Variants in CACNA1C observed in about 807,000 individuals in gnomAD.
The protein encoded by CACNA1C is voltage-dependent L-type calcium channel subunit alpha-1C.
CACNA1C carries 30 observed loss-of-function variants against 229.0 expected under a neutral mutation model. The ratio of observed to expected loss-of-function variants is 0.13; its 90% confidence interval spans 0.10 to 0.18. The LOEUF is 0.18. Among genes scored for constraint, CACNA1C ranks in the 10% least tolerant of loss-of-function variants. CACNA1C has a pLI of 1.00. For missense variants in CACNA1C, 1,658 were observed against 2,845.0 expected, an observed-to-expected ratio of 0.58 and a Z score of 9.49; for synonymous variants, 1,114 against 1,132.5, an observed-to-expected ratio of 0.98 and a Z score of 0.33.
At position 2,647,237 on chromosome 12, in the gene CACNA1C, C is replaced by A. The variant is rs542285314; in HGVS notation, c.3913-1238C>A. Among the ~76,000 whole-genome samples the A allele has an allele frequency of 1.7e-4, 26 of 152,332 alleles. No homozygotes were observed. Among genetic ancestry groups the A allele is most frequent in the African/African-American group, 6.0e-4 (25 of 41,568 alleles). On this transcript the variant is annotated intron_variant, in intron 30 of 46. Coordinates refer to ENST00000399655, the MANE Select transcript of CACNA1C (RefSeq NM_000719.7). The surrounding 1 kb of genome is among the most constrained non-coding windows in gnomAD (Gnocchi z 4.2). The stretch of plus-strand genomic sequence containing the variant: ...GTGGAGAGTAAAAGCCAAGTCCTGA[C>A]TTTCTAGAAAGAGTTAGCAGCTCAG...
At chr12:2,093,090 G>A (rs2072027510) in intron 1 of CACNA1C, among the ~76,000 whole-genome samples, 1 of 152,246 alleles carries the variant, frequency 6.6e-6, no homozygotes, top group African/African-American at 2.4e-5. Context: ...GGAGCTAACT[G>A]TGGGCCAATC....
intron 3 of CACNA1C, among the ~76,000 whole-genome samples, chr12:2,171,554 G>T (rs1403559640): frequency 6.6e-6 from 1 of 152,202 alleles, no homozygotes; most frequent in Non-Finnish European, 1.5e-5. Flanking sequence ...AACTCTTTGA[G>T]CCTTCTTTCT....
At chr12:2,582,790 G>A in intron 14 of CACNA1C, 32 bp from the exon 15 acceptor site, 1 of 1,612,548 alleles carries the variant, frequency 6.2e-7, no homozygotes, top group Non-Finnish European at 8.5e-7. Flanking sequence ...GTCTAACGCT[G>A]TGTCCCTTAT....
chr12:2,681,051 A>G (rs1309541037), intron 42 of CACNA1C, among the ~76,000 whole-genome samples: 1 of 152,074 alleles, frequency 6.6e-6, no homozygotes, highest in African/African-American at 2.4e-5. Flanking sequence ...ACGGCCTTTG[A>G]GGACCCAAGT....
chr12:2,654,048 A>G lies in CACNA1C; in HGVS notation c.4140+148A>G. 1.5e-6 allele frequency: 1 copy of G among 676,152 alleles called. No individual in the cohort carries two copies. The highest frequency in any genetic ancestry group is 2.6e-6 in the Non-Finnish European group (1 of 390,196). The allele number at this position is 676,152 out of a possible 1,614,324, so 41.9% of individuals were successfully genotyped here. On this transcript the variant is annotated intron_variant, in intron 33 of 46. Transcript: ENST00000399655. The surrounding 1 kb of genome is among the most constrained non-coding windows in gnomAD (Gnocchi z 4.4). ...CTCCTCTTCCATTTTCTGAGGCCCAAAAAGCCACAGGAATTGGAACTTTCC... is the reference window on the plus strand; with the variant it reads ...CTCCTCTTCCATTTTCTGAGGCCCAGAAAGCCACAGGAATTGGAACTTTCC...
intron 1 of CACNA1C, among the ~76,000 whole-genome samples, chr12:2,042,746 G>A (rs965491400): frequency 1.3e-5 from 2 of 152,142 alleles, no homozygotes; most frequent in Non-Finnish European, 2.9e-5. Flanking sequence ...GTTGTCCTCC[G>A]GTGAACGTGA....
chr12:2,276,043 T>C (rs1015385967), intron 3 of CACNA1C, among the ~76,000 whole-genome samples: 14 of 152,174 alleles, frequency 9.2e-5, no homozygotes, highest in African/African-American at 3.4e-4. Context: ...TTACATATGG[T>C]ATATTTTATT....
At position 2,135,662 on chromosome 12, in the gene CACNA1C, G is replaced by A. The variant is rs1334464230; in HGVS notation, c.477+15232G>A. ...ACCCACTTGAAGAGGCAGTCTGCCCGTTCTCAGATCTCCAGCCGCGTGCTG... is the reference window on the plus strand; with the variant it reads ...ACCCACTTGAAGAGGCAGTCTGCCCATTCTCAGATCTCCAGCCGCGTGCTG... On this transcript the variant is annotated intron_variant, in intron 3 of 46. Coordinates refer to ENST00000399655, the MANE Select transcript of CACNA1C (RefSeq NM_000719.7). Among the ~76,000 whole-genome samples, 34 of 143,758 alleles carry A rather than the reference G, an allele frequency of 2.4e-4. 2 individuals are homozygous for A. The highest frequency in any genetic ancestry group is 4.3e-4 in the South Asian group (2 of 4,600). The allele number at this position is 143,758 out of a possible 152,430, so 94.3% of individuals were successfully genotyped here.
intron 3 of CACNA1C, among the ~76,000 whole-genome samples, chr12:2,421,666 G>A (rs974415465): frequency 2.0e-5 from 3 of 152,100 alleles, no homozygotes; most frequent in Admixed American, 6.5e-5. Flanking sequence ...TAATCCCAGC[G>A]TTTTGGGAGG....
chr12:2,550,526 G>A, intron 10 of CACNA1C: 2 of 1,348,538 alleles, frequency 1.5e-6, no homozygotes, highest in Non-Finnish European at 2.0e-6. Flanking sequence ...CTTACCTGAA[G>A]CTCTCTCATC....
At chr12:2,531,221 A>C (rs2099840246) in intron 9 of CACNA1C, among the ~76,000 whole-genome samples, 1 of 152,220 alleles carries the variant, frequency 6.6e-6, no homozygotes, top group African/African-American at 2.4e-5. Context: ...GCTTACACCC[A>C]GGCACGCCCC....
At chr12:2,117,620 A>G (rs112796134) in intron 2 of CACNA1C, among the ~76,000 whole-genome samples, 1,950 of 152,336 alleles carry the variant, frequency 0.013, 50 homozygotes, top group African/African-American at 0.044. Flanking sequence ...GTCCATGCCC[A>G]TCCCACACCC....
At chr12:2,218,627 G>A (rs1170551373) in intron 3 of CACNA1C, among the ~76,000 whole-genome samples, 1 of 152,192 alleles carries the variant, frequency 6.6e-6, no homozygotes, top group Non-Finnish European at 1.5e-5. Flanking sequence ...GCTGGGGAGG[G>A]AAATTGAGTT....
chr12:2,178,893 CTG>C (rs2096748134), intron 3 of CACNA1C, among the ~76,000 whole-genome samples: 3 of 152,234 alleles, frequency 2.0e-5, no homozygotes, highest in Admixed American at 2.0e-4. Context: ...AAAACCCTGT[CTG>C]TACTAAAAAT....
intron 3 of CACNA1C, among the ~76,000 whole-genome samples, chr12:2,419,054 A>G (rs943853105): frequency 6.6e-6 from 1 of 152,258 alleles, no homozygotes; most frequent in African/African-American, 2.4e-5. Flanking sequence ...TTTACAGATT[A>G]GAAAACTGAG....
chr12:2,229,584 A>G (rs936590093), intron 3 of CACNA1C, among the ~76,000 whole-genome samples: 1 of 152,184 alleles, frequency 6.6e-6, no homozygotes, highest in African/African-American at 2.4e-5. Flanking sequence ...AAGGTAAAGC[A>G]GGGGAATGGG....
chr12:2,668,637 C>A (rs529530304), intron 37 of CACNA1C: 1 of 303,858 alleles, frequency 3.3e-6, no homozygotes, highest in Non-Finnish European at 6.2e-6. Context: ...GAGGCAGGTA[C>A]GTCACATGGA....
Position 2,582,746 on chromosome 12 carries a change from G to GGGGCA in CACNA1C, c.2104-67_2104-63dup, listed in dbSNP as rs1265450518. The GGGGCA allele has an allele frequency of 5.8e-5, 88 of 1,530,340 alleles. No homozygotes were observed. In the East Asian group the frequency reaches 1.3e-3, roughly 23 times the overall value. The allele number at this position is 1,530,340 out of a possible 1,614,324, so 94.8% of individuals were successfully genotyped here. A position where few individuals can be genotyped will look rare whatever the true frequency, so the allele number is the denominator to read the frequency against. The stretch of plus-strand genomic sequence containing the variant: ...TTTTGGACAATTTTGTTGACGTAGT[G>GGGGCA]GGGCAGGGCAGGGTGGTTTTGGGTT... On this transcript the variant is annotated intron_variant, in intron 14 of 46. Coordinates refer to ENST00000399655, the MANE Select transcript of CACNA1C (RefSeq NM_000719.7).
chr12:2,654,344 G>T lies in CACNA1C; in HGVS notation c.4140+444G>T, dbSNP rs2095291921. The stretch of plus-strand genomic sequence containing the variant: ...TTTGAAGCTAATGGCTGAGAGGGAG[G>T]GAGGGAAGAAGGAAGCAAGGAAGGG... On this transcript the variant is annotated intron_variant, in intron 33 of 46. Transcript: ENST00000399655. The surrounding 1 kb of genome is among the most constrained non-coding windows in gnomAD (Gnocchi z 4.4). Among the ~76,000 whole-genome samples the T allele has an allele frequency of 6.6e-6, 1 of 152,224 alleles. No homozygotes were observed. Among genetic ancestry groups the T allele is most frequent in the African/African-American group, 2.4e-5 (1 of 41,456 alleles).
Sources: gnomAD v4.1 joint callset for allele counts (sites outside exome capture counted in the v4.1 genomes callset) on GRCh38, gnomAD v4.1.1 for gene constraint, Gnocchi (gnomAD v3.1) non-coding constraint, MANE v1.5 for transcripts, NCBI Gene and HGNC (gene_info 2026-07-23, HGNC 2026-07-21) for gene names.